Variants in DOCK3 observed in about 807,000 individuals in gnomAD.
The protein encoded by DOCK3 is dedicator of cytokinesis protein 3.
In DOCK3, 60 loss-of-function variants were observed where a neutral mutation model predicts 265.6. That is an observed-to-expected ratio of 0.23 (90% CI 0.18 to 0.28). The LOEUF (loss-of-function observed/expected upper bound fraction) is 0.28. Ranked by LOEUF, DOCK3 falls within the 10% of genes least tolerant of loss-of-function variation. The pLI is 1.00. For synonymous variants in DOCK3, 881 were observed against 938.0 expected (o/e 0.94, Z 1.11); for missense variants, 1,981 against 2,594.3 (o/e 0.76, Z 5.14).
At chr3:50,915,397 A>G (rs2050065140) in intron 4 of DOCK3, among the ~76,000 whole-genome samples, 1 of 151,948 alleles carries the variant, frequency 6.6e-6, no homozygotes, top group Non-Finnish European at 1.5e-5. Context: ...GGGTGCAGGG[A>G]ACAGTACAGC....
chr3:50,760,320 G>T (rs1156959080), intron 1 of DOCK3, among the ~76,000 whole-genome samples: 1 of 152,106 alleles, frequency 6.6e-6, no homozygotes, highest in Non-Finnish European at 1.5e-5. Flanking sequence ...TTATGTGAGG[G>T]TTTGTTTCTA....
At chr3:51,108,595 G>A (rs1307250138) in intron 9 of DOCK3, among the ~76,000 whole-genome samples, 1 of 152,160 alleles carries the variant, frequency 6.6e-6, no homozygotes, top group Non-Finnish European at 1.5e-5. Flanking sequence ...AGAGTAACAA[G>A]GTGGATAAAG....
chr3:51,199,120 G>A (rs551389864), intron 12 of DOCK3, among the ~76,000 whole-genome samples: 184 of 152,322 alleles, frequency 1.2e-3, no homozygotes, highest in South Asian at 3.5e-3. Flanking sequence ...CACAGAAGAC[G>A]GGTGATTTCT....
chr3:51,208,408 G>A (rs1201002208), intron 12 of DOCK3, among the ~76,000 whole-genome samples: 1 of 152,208 alleles, frequency 6.6e-6, no homozygotes, highest in African/African-American at 2.4e-5. Context: ...AGTAGTACTT[G>A]TTGAGAGGAG....
intron 5 of DOCK3, among the ~76,000 whole-genome samples, chr3:51,001,720 C>T (rs767884501): frequency 1.4e-4 from 21 of 152,050 alleles, no homozygotes; most frequent in Non-Finnish European, 2.5e-4. Context: ...TATGAAACTG[C>T]CAGATTGTTT....
At chr3:51,063,211 T>C (rs2081480517) in intron 5 of DOCK3, among the ~76,000 whole-genome samples, 1 of 144,898 alleles carries the variant, frequency 6.9e-6, no homozygotes, top group African/African-American at 2.5e-5. Context: ...ATCAAGACTC[T>C]ATCAAAAAAA....
At chr3:51,002,066 C>T (rs1485180241) in intron 5 of DOCK3, among the ~76,000 whole-genome samples, 1 of 152,124 alleles carries the variant, frequency 6.6e-6, no homozygotes, top group Non-Finnish European at 1.5e-5. Flanking sequence ...TTGCCTCAGC[C>T]CCCTGAGCAG....
chr3:50,799,233 C>T (rs920944610), intron 2 of DOCK3, among the ~76,000 whole-genome samples: 1 of 152,000 alleles, frequency 6.6e-6, no homozygotes, highest in Non-Finnish European at 1.5e-5. Flanking sequence ...TAGGATATTC[C>T]CCCTTATTTC....
chr3:51,195,693 C>T (rs1470608435), intron 12 of DOCK3, among the ~76,000 whole-genome samples: 2 of 152,170 alleles, frequency 1.3e-5, no homozygotes, highest in East Asian at 3.9e-4. Flanking sequence ...TCTGGGATTA[C>T]AGGCCTGAGC....
chr3:51,158,028 G>A (rs1560139904), intron 10 of DOCK3, among the ~76,000 whole-genome samples: 2 of 151,936 alleles, frequency 1.3e-5, no homozygotes, highest in Non-Finnish European at 2.9e-5. Context: ...AACTAAGGGA[G>A]CCTTTCCTAG....
chr3:51,072,450 C>T (rs1281402089), intron 6 of DOCK3, among the ~76,000 whole-genome samples: 3 of 152,000 alleles, frequency 2.0e-5, no homozygotes, highest in African/African-American at 7.2e-5. Flanking sequence ...CTCTGTCATC[C>T]AGACGGGAGT....
intron 5 of DOCK3, among the ~76,000 whole-genome samples, chr3:50,978,520 G>C (rs530324328): frequency 5.9e-5 from 9 of 152,286 alleles, no homozygotes; most frequent in Admixed American, 5.2e-4. Flanking sequence ...CTCCAGCTGC[G>C]TACTGGGAGA....
At chr3:50,705,032 A>T (rs76882476) in intron 1 of DOCK3, among the ~76,000 whole-genome samples, 19 of 136,604 alleles carry the variant, frequency 1.4e-4, no homozygotes, top group East Asian at 4.3e-4. Flanking sequence ...TTGTTTTCTG[A>T]TTTTTTTTTT....
intron 5 of DOCK3, among the ~76,000 whole-genome samples, chr3:50,966,483 G>GTTTTTTTTT (rs140247895): frequency 1.7e-5 from 2 of 116,900 alleles, no homozygotes; most frequent in Admixed American, 9.0e-5. Context: ...GTTATCTCTT[G>GTTTTTTTTT]TTTTTTTTTT....
At chr3:50,934,201 T>A in intron 5 of DOCK3, 124 bp downstream of exon 5, 2 of 677,472 alleles carry the variant, frequency 3.0e-6, no homozygotes, top group Non-Finnish European at 4.7e-6. Flanking sequence ...CATATGTTCT[T>A]AATATTTACT....
chr3:51,249,480 C>T (rs1299076902), intron 22 of DOCK3, among the ~76,000 whole-genome samples: 2 of 108,054 alleles, frequency 1.9e-5, no homozygotes, highest in Admixed American at 8.1e-5. Flanking sequence ...GCCCAGCCAG[C>T]CGCCCCATCC....
chr3:51,321,559 T>C (rs2083729255), intron 32 of DOCK3, among the ~76,000 whole-genome samples: 1 of 152,096 alleles, frequency 6.6e-6, no homozygotes, highest in Non-Finnish European at 1.5e-5. Context: ...TCTAACCTAA[T>C]GCAAGGAAGC....
At chr3:50,923,474 T>G (rs1005504594) in intron 4 of DOCK3, among the ~76,000 whole-genome samples, 1 of 152,362 alleles carries the variant, frequency 6.6e-6, no homozygotes, top group African/African-American at 2.4e-5. Context: ...TACTAATTGA[T>G]AATCTCACGA....
At chr3:50,763,533 G>A (rs2040661563) in intron 1 of DOCK3, among the ~76,000 whole-genome samples, 2 of 151,876 alleles carry the variant, frequency 1.3e-5, no homozygotes, top group Non-Finnish European at 2.9e-5. Context: ...TCCACCTGCT[G>A]CGGCCCCCCA....
Sources: gnomAD v4.1 joint callset for allele counts (sites outside exome capture counted in the v4.1 genomes callset) on GRCh38, gnomAD v4.1.1 for gene constraint, MANE v1.5 for transcripts, NCBI Gene and HGNC (gene_info 2026-07-23, HGNC 2026-07-21) for gene names.